The following EML6 variants were observed in gnomAD, a reference collection of about 807,000 sequenced individuals.
EML6 encodes EMAP like 6.
In EML6, 154 loss-of-function variants were observed where a neutral mutation model predicts 240.1. The ratio of observed to expected loss-of-function variants is 0.64; its 90% confidence interval spans 0.56 to 0.73. The LOEUF (loss-of-function observed/expected upper bound fraction) is 0.73. Ranked by LOEUF, EML6 falls within the 30% of genes least tolerant of loss-of-function variation. The pLI is 0.00. For missense variants in EML6, 2,964 were observed against 2,474.6 expected, an observed-to-expected ratio of 1.20 and a Z score of -4.20; for synonymous variants, 1,148 against 899.0, an observed-to-expected ratio of 1.28 and a Z score of -4.95.
chr2:54,964,536 C>T (rs1400594095), intron 37 of EML6, 35 bp from the exon 38 acceptor site: 22 of 1,549,312 alleles, frequency 1.4e-5, no homozygotes, highest in Non-Finnish European at 1.8e-5. Flanking sequence ...AAACAGCCCT[C>T]CTCATGGACT....
Position 54,971,972 on chromosome 2 carries a change from AAC to A in EML6, c.*1881_*1882del, listed in dbSNP as rs1491546409. On this transcript the variant is annotated 3_prime_UTR_variant, in exon 42 of 42. Coordinates refer to ENST00000356458, the MANE Select transcript of EML6 (RefSeq NM_001039753.4). ...GCATGAATTTATTTTCAAAGTATAA[AAC>A]ACATCACTTAAACATTTTATGTGTC... 2.2e-4 allele frequency: 33 copies of A among 152,234 alleles called. No homozygotes were observed. The highest frequency in any genetic ancestry group is 2.6e-4 in the Non-Finnish European group (18 of 68,050). The allele number at this position is 152,234 out of a possible 1,614,324, so 9.4% of individuals were successfully genotyped here.
chr2:54,963,238 T>C (rs1676604360), intron 36 of EML6, among the ~76,000 whole-genome samples: 1 of 152,232 alleles, frequency 6.6e-6, no homozygotes, highest in Non-Finnish European at 1.5e-5. Flanking sequence ...CATTTTAAAA[T>C]GGCTGGTAAG....
At chr2:54,812,266 C>T (rs890069285) in intron 2 of EML6, among the ~76,000 whole-genome samples, 2 of 151,406 alleles carry the variant, frequency 1.3e-5, no homozygotes, top group Middle Eastern at 3.2e-3. Flanking sequence ...AGCCAACATG[C>T]AAATCCAGTG....
At chr2:54,738,538 A>T (rs188857551) in intron 2 of EML6, among the ~76,000 whole-genome samples, 1 of 152,310 alleles carries the variant, frequency 6.6e-6, no homozygotes, top group Admixed American at 6.5e-5. Flanking sequence ...AATACCATCC[A>T]TACCACAGAC....
At chr2:54,931,078 C>T (rs1222369561) in intron 28 of EML6, among the ~76,000 whole-genome samples, 2 of 151,910 alleles carry the variant, frequency 1.3e-5, no homozygotes, top group Non-Finnish European at 2.9e-5. Context: ...CTGCCTCAGC[C>T]TCCCAAGTAG....
chr2:54,809,545 A>C (rs1667718732), intron 2 of EML6, among the ~76,000 whole-genome samples: 1 of 152,204 alleles, frequency 6.6e-6, no homozygotes. Flanking sequence ...TCTGAGGCTC[A>C]GAGCACTCAG....
At chr2:54,960,587 C>T (rs1676451736) in intron 35 of EML6, among the ~76,000 whole-genome samples, 1 of 152,132 alleles carries the variant, frequency 6.6e-6, no homozygotes, top group South Asian at 2.1e-4. Context: ...TTGTGAGGGT[C>T]ACATATTTAT....
intron 17 of EML6, among the ~76,000 whole-genome samples, chr2:54,886,609 C>G (rs1285506192): frequency 6.6e-6 from 1 of 152,180 alleles, no homozygotes; most frequent in Non-Finnish European, 1.5e-5. Context: ...CTGGCCAACA[C>G]TTGTTATTGT....
chr2:54,931,053 G>T (rs889347184), intron 28 of EML6, among the ~76,000 whole-genome samples: 2 of 151,428 alleles, frequency 1.3e-5, no homozygotes, highest in Non-Finnish European at 2.9e-5. Flanking sequence ...CGCCTCCCGG[G>T]TTCACGCCAT....
chr2:54,951,348 C>A (rs1573205618), intron 30 of EML6, among the ~76,000 whole-genome samples: 1 of 152,096 alleles, frequency 6.6e-6, no homozygotes, highest in East Asian at 1.9e-4. Flanking sequence ...GCCCGGTCAA[C>A]ATAGAGAAAC....
chr2:54,859,100 G>A (rs181693420), intron 11 of EML6, among the ~76,000 whole-genome samples: 148 of 152,178 alleles, frequency 9.7e-4, no homozygotes, highest in Non-Finnish European at 1.9e-3. Context: ...AGTTTAAGGA[G>A]GAAAAAATGA....
chr2:54,928,589 A>T, intron 27 of EML6, 36 bp from the exon 28 acceptor site: 3 of 1,551,906 alleles, frequency 1.9e-6, no homozygotes, highest in Non-Finnish European at 2.6e-6. Context: ...GCCACTGCAA[A>T]CCAACTGGCT....
At chr2:54,815,617 C>T (rs920537445) in intron 3 of EML6, among the ~76,000 whole-genome samples, 1 of 152,100 alleles carries the variant, frequency 6.6e-6, no homozygotes, top group Non-Finnish European at 1.5e-5. Flanking sequence ...AAAATACAAC[C>T]ACATCTTGTT....
At chr2:54,958,434 C>T (rs1046657778) in intron 33 of EML6, among the ~76,000 whole-genome samples, 11 of 152,062 alleles carry the variant, frequency 7.2e-5, no homozygotes, top group African/African-American at 1.9e-4. Context: ...TCAGGTGATC[C>T]GCCTGCCTCA....
rs966973883 is a variant in EML6 at position 54,959,105 on chromosome 2, A to G, written c.4697A>G (p.Asn1566Ser). The G allele has an allele frequency of 1.9e-6, 3 of 1,549,814 alleles. No individual in the cohort carries two copies. In the African/African-American group the frequency reaches 4.1e-5, roughly 21 times the overall value. The change falls in exon 34 of 42, where the codon AAC (asparagine) becomes AGC (serine). Residue 1566 changes from asparagine (N) to serine (S), a missense_variant and splice_region_variant. Transcript: ENST00000356458. ...QTMLSVAFGA[N>S]NLTFTGAING... ...TAGAAGATGTTGTTTTGTTTACAGA[A>G]CAATCTCACTTTCACGGGTGCCATC...
intron 2 of EML6, among the ~76,000 whole-genome samples, chr2:54,790,043 C>G (rs977612220): frequency 6.6e-6 from 1 of 152,116 alleles, no homozygotes; most frequent in African/African-American, 2.4e-5. Flanking sequence ...GTAACCTGTA[C>G]AAGAGGGAGA....
chr2:54,833,842 C>T (rs1268770542), intron 7 of EML6, among the ~76,000 whole-genome samples: 1 of 152,198 alleles, frequency 6.6e-6, no homozygotes, highest in Non-Finnish European at 1.5e-5. Flanking sequence ...CTGCAATTCT[C>T]AAAGCCAAAA....
intron 7 of EML6, among the ~76,000 whole-genome samples, chr2:54,831,918 G>A (rs900031031): frequency 6.6e-6 from 1 of 152,138 alleles, no homozygotes; most frequent in Admixed American, 6.5e-5. Context: ...ACTCTTAATT[G>A]CTTAGTATTT....
At chr2:54,823,457 AG>A (rs943891771) in intron 5 of EML6, among the ~76,000 whole-genome samples, 2 of 48,552 alleles carry the variant, frequency 4.1e-5, no homozygotes, top group Non-Finnish European at 9.0e-5. Context: ...CCTATTCCAT[AG>A]TTTTTTTTAG....
Sources: allele counts gnomAD v4.1 joint callset (sites outside exome capture counted in the v4.1 genomes callset), GRCh38; gene constraint gnomAD v4.1.1; transcripts MANE v1.5; gene names NCBI Gene and HGNC (gene_info 2026-07-23, HGNC 2026-07-21).